Variants in PKIB observed in about 807,000 individuals in gnomAD.
PKIB encodes the protein cAMP-dependent protein kinase inhibitor beta, also known as PKI-beta.
Under a neutral mutation model 4.5 loss-of-function variants are expected in PKIB, and 2 were observed. That is an observed-to-expected ratio of 0.44 (90% CI 0.18 to 1.39). The LOEUF (loss-of-function observed/expected upper bound fraction) is 1.39, where lower values mean the gene tolerates loss of function less well. Ranked by LOEUF, PKIB falls within the 40% of genes most tolerant of loss-of-function variation. The probability of loss-of-function intolerance (pLI) is 0.27; values close to 1 mark genes in which losing one functional copy is unlikely to be tolerated. For missense variants in PKIB, 94 were observed against 92.6 expected (o/e 1.02, Z -0.06); for synonymous variants, 38 against 36.0 (o/e 1.06, Z -0.20).
intron 2 of PKIB, among the ~76,000 whole-genome samples, chr6:122,548,927 A>G (rs1772585291): frequency 6.6e-6 from 1 of 152,236 alleles, no homozygotes; most frequent in African/African-American, 2.4e-5. Context: ...TGTTTGGCAT[A>G]ACAAAGACAT....
intron 2 of PKIB, among the ~76,000 whole-genome samples, chr6:122,528,047 A>G (rs1027484067): frequency 2.0e-5 from 3 of 152,062 alleles, no homozygotes; most frequent in Non-Finnish European, 4.4e-5. Flanking sequence ...TTTTATTTGG[A>G]AACTTGGATA....
chr6:122,699,949 A>C (rs892783341), intron 3 of PKIB, among the ~76,000 whole-genome samples: 8 of 152,190 alleles, frequency 5.3e-5, no homozygotes, highest in Non-Finnish European at 8.8e-5. Context: ...GTTTAAATTT[A>C]GGAAGATCCT....
chr6:122,590,524 C>T (rs1773986458), intron 3 of PKIB, among the ~76,000 whole-genome samples: 1 of 152,106 alleles, frequency 6.6e-6, no homozygotes, highest in African/African-American at 2.4e-5. Context: ...CAGTAAGCTA[C>T]AGAAGAGTTA....
At chr6:122,623,345 A>G (rs2114795589) in intron 1 of PKIB, among the ~76,000 whole-genome samples, 1 of 152,332 alleles carries the variant, frequency 6.6e-6, no homozygotes, top group Middle Eastern at 3.4e-3. Flanking sequence ...GTGTTGAGCA[A>G]TGGGTTCTTC....
chr6:122,623,271 C>T (rs927765480), intron 1 of PKIB, among the ~76,000 whole-genome samples: 1 of 152,128 alleles, frequency 6.6e-6, no homozygotes, highest in African/African-American at 2.4e-5. Flanking sequence ...ATAAATTACT[C>T]TTTAGGAGAG....
At chr6:122,616,388 A>G (rs751517600) in intron 1 of PKIB, among the ~76,000 whole-genome samples, 3 of 152,124 alleles carry the variant, frequency 2.0e-5, no homozygotes, top group Non-Finnish European at 4.4e-5. Flanking sequence ...GCTGCGTGAG[A>G]AGGAAATGGA....
chr6:122,549,039 A>T (rs1382074206), intron 2 of PKIB, among the ~76,000 whole-genome samples: 1 of 152,190 alleles, frequency 6.6e-6, no homozygotes, highest in Non-Finnish European at 1.5e-5. Flanking sequence ...GAAAGAAATA[A>T]ACTGTCAAAT....
intron 3 of PKIB, among the ~76,000 whole-genome samples, chr6:122,715,733 C>T (rs983219340): frequency 8.6e-5 from 13 of 151,408 alleles, no homozygotes; most frequent in Admixed American, 2.0e-4. Flanking sequence ...ATTTTTCCCC[C>T]TGTTTTCTCT....
intron 3 of PKIB, among the ~76,000 whole-genome samples, chr6:122,588,929 G>T (rs1274530468): frequency 2.0e-5 from 3 of 152,106 alleles, no homozygotes; most frequent in Admixed American, 6.6e-5. Context: ...GATTCCCACT[G>T]CAATGTGTTT....
intron 2 of PKIB, among the ~76,000 whole-genome samples, chr6:122,655,104 C>T (rs1251498894): frequency 6.6e-6 from 1 of 152,150 alleles, no homozygotes; most frequent in African/African-American, 2.4e-5. Context: ...TCTCCTGCCA[C>T]AGCCTCCCAA....
intron 4 of PKIB, among the ~76,000 whole-genome samples, chr6:122,718,860 G>T (rs1356308498): frequency 2.0e-4 from 30 of 152,096 alleles, no homozygotes; most frequent in Admixed American, 2.0e-3. Flanking sequence ...TTGTAGGCCA[G>T]GAGCTGTGAC....
chr6:122,610,566 G>A (rs559898658), intron 1 of PKIB, 31 bp downstream of exon 1: 2 of 152,608 alleles, frequency 1.3e-5, no homozygotes, highest in South Asian at 4.1e-4. Context: ...GCGCGTGAGT[G>A]GGTGTCCCTA....
At chr6:122,615,555 A>G (rs1292640161) in intron 1 of PKIB, among the ~76,000 whole-genome samples, 1 of 152,146 alleles carries the variant, frequency 6.6e-6, no homozygotes, top group Non-Finnish European at 1.5e-5. Context: ...GAGTTGGATA[A>G]TGTCTCCCCA....
At chr6:122,673,682 A>C (rs993711749) in intron 2 of PKIB, among the ~76,000 whole-genome samples, 15 of 152,194 alleles carry the variant, frequency 9.9e-5, no homozygotes, top group African/African-American at 3.1e-4. Context: ...TCTGAAAAAC[A>C]CCTAATGCAC....
chr6:122,542,955 T>G (rs2114640574), intron 2 of PKIB, among the ~76,000 whole-genome samples: 1 of 152,226 alleles, frequency 6.6e-6, no homozygotes, highest in African/African-American at 2.4e-5. Flanking sequence ...TGCCTTGCAG[T>G]TTGATCTCAG....
chr6:122,527,661 T>C (rs1737840097), intron 2 of PKIB, among the ~76,000 whole-genome samples: 1 of 152,112 alleles, frequency 6.6e-6, no homozygotes, highest in Admixed American at 6.6e-5. Flanking sequence ...TAAATTATAA[T>C]AGTAACATCA....
intron 2 of PKIB, among the ~76,000 whole-genome samples, chr6:122,553,344 C>T (rs1447895505): frequency 6.6e-6 from 1 of 152,046 alleles, no homozygotes; most frequent in Non-Finnish European, 1.5e-5. Flanking sequence ...ACTTTTGCAC[C>T]AACCGAATAC....
chr6:122,624,228 G>T (rs1446963415), intron 1 of PKIB, among the ~76,000 whole-genome samples: 9 of 152,056 alleles, frequency 5.9e-5, no homozygotes. Flanking sequence ...AAGTTATAAT[G>T]GTATGATGAA....
intron 2 of PKIB, among the ~76,000 whole-genome samples, chr6:122,565,928 C>T (rs181126284): frequency 7.9e-5 from 12 of 152,264 alleles, no homozygotes; most frequent in African/African-American, 2.4e-4. Context: ...CCACTTTTAC[C>T]TCTGTTTTCC....
Sources: allele counts gnomAD v4.1 joint callset (sites outside exome capture counted in the v4.1 genomes callset), GRCh38; gene constraint gnomAD v4.1.1; transcripts MANE v1.5; gene names NCBI Gene and HGNC (gene_info 2026-07-23, HGNC 2026-07-21).